EBF3: variants seen among roughly 807,000 people sequenced by gnomAD.
The protein encoded by EBF3 is EBF transcription factor 3.
EBF3 carries 18 observed loss-of-function variants against 77.1 expected under a neutral mutation model. That is an observed-to-expected ratio of 0.23 (90% CI 0.16 to 0.35). The LOEUF (loss-of-function observed/expected upper bound fraction) is 0.35. Among genes scored for constraint, EBF3 ranks in the 10% least tolerant of loss-of-function variants. EBF3 has a pLI of 1.00. For synonymous variants in EBF3, 350 were observed against 343.5 expected (o/e 1.02, Z -0.21); for missense variants, 558 against 860.0 (o/e 0.65, Z 4.39).
intron 10 of EBF3, among the ~76,000 whole-genome samples, chr10:129,862,413 G>A (rs1163243663): frequency 6.6e-6 from 1 of 152,102 alleles, no homozygotes; most frequent in Non-Finnish European, 1.5e-5. Flanking sequence ...TTAGTAACTG[G>A]GTTCAGTCTG....
chr10:129,896,483 GC>G (rs1411971751), intron 6 of EBF3, among the ~76,000 whole-genome samples: 4 of 152,242 alleles, frequency 2.6e-5, no homozygotes, highest in Non-Finnish European at 5.9e-5. Flanking sequence ...CCTCCGAGCA[GC>G]TGGCTGGACG....
In EBF3 at chr10:129,842,780, AAG is replaced by A. The variant is rs1491469437; in HGVS notation, c.1194+355_1194+356del. On this transcript the variant is annotated intron_variant, in intron 12 of 16. Transcript: ENST00000440978. The surrounding 1 kb of genome is among the most constrained non-coding windows in gnomAD (Gnocchi z 4.4). ...CCCTGTCTAAAAAAAAAAAAAAAAA[AAG>A]GGAGCAACATTTGCTGTGTTCTGTC... Among the ~76,000 whole-genome samples the A allele has an allele frequency of 1.1e-4, 17 of 151,050 alleles. No homozygotes were observed. The highest frequency in any genetic ancestry group is 3.4e-4 in the African/African-American group (14 of 41,176).
chr10:129,953,593 G>A (rs1858829309), intron 6 of EBF3, among the ~76,000 whole-genome samples: 1 of 152,200 alleles, frequency 6.6e-6, no homozygotes, highest in African/African-American at 2.4e-5. Flanking sequence ...TGGGACGCCG[G>A]AGACGGTGCC....
chr10:129,941,469 C>T (rs11017022), intron 6 of EBF3, among the ~76,000 whole-genome samples: 60,417 of 152,134 alleles, frequency 0.4, 12,405 homozygotes, highest in East Asian at 0.74. Flanking sequence ...ACCCACCACC[C>T]GGGGACAGTG....
chr10:129,885,090 A>G lies in EBF3; in HGVS notation c.555-7241T>C, dbSNP rs1343527302. 6.6e-6 allele frequency among the ~76,000 whole-genome samples: 1 copy of G among 152,204 alleles called. No individual in the cohort carries two copies. Among genetic ancestry groups the G allele is most frequent in the Non-Finnish European group, 1.5e-5 (1 of 68,032 alleles). On this transcript the variant is annotated intron_variant, in intron 6 of 16. Coordinates refer to ENST00000440978, the MANE Select transcript of EBF3 (RefSeq NM_001375380.1). The surrounding 1 kb of genome is among the most constrained non-coding windows in gnomAD (Gnocchi z 4.0). The stretch of plus-strand genomic sequence containing the variant: ...TCCCTCCAAAGAGCCTTATCGCTAA[A>G]TTTCTGCTATAATGGTTTTTCTTTT...
At chr10:129,911,626 G>A (rs939741141) in intron 6 of EBF3, among the ~76,000 whole-genome samples, 1 of 152,214 alleles carries the variant, frequency 6.6e-6, no homozygotes, top group African/African-American at 2.4e-5. Flanking sequence ...GAAGAGGGGT[G>A]AGGAGGGGCT....
intron 6 of EBF3, among the ~76,000 whole-genome samples, chr10:129,927,033 C>T (rs563281412): frequency 4.6e-5 from 7 of 152,312 alleles, no homozygotes; most frequent in Non-Finnish European, 7.3e-5. Context: ...CCATTGGCCA[C>T]GAGAGGAAGT....
rs1382579628 is a variant in EBF3 at position 129,943,816 on chromosome 10, A to G, written c.554+13442T>C. On this transcript the variant is annotated intron_variant, in intron 6 of 16. Coordinates refer to ENST00000440978, the MANE Select transcript of EBF3 (RefSeq NM_001375380.1). This position sits in a 1 kb window ranked among gnomAD's most constrained non-coding sequence, Gnocchi z 8.8. Reference sequence around the variant, plus strand: ...GTTTTTGGGCTTGATCCTTTTGAGCAGTTTTTTTCTGTGCTGAGCTCTCTG... The same window carrying G: ...GTTTTTGGGCTTGATCCTTTTGAGCGGTTTTTTTCTGTGCTGAGCTCTCTG... Among the ~76,000 whole-genome samples, 2 of 152,214 alleles carry G rather than the reference A, an allele frequency of 1.3e-5. No homozygotes were observed. Among genetic ancestry groups the G allele is most frequent in the Non-Finnish European group, 2.9e-5 (2 of 68,038 alleles).
chr10:129,856,071 G>T (rs1409728951), intron 10 of EBF3, among the ~76,000 whole-genome samples: 2 of 152,228 alleles, frequency 1.3e-5, no homozygotes, highest in Admixed American at 6.5e-5. Context: ...CCATGCACTT[G>T]TTCAGGCATC....
chr10:129,889,830 T>C (rs1314041777), intron 6 of EBF3, among the ~76,000 whole-genome samples: 1 of 145,364 alleles, frequency 6.9e-6, no homozygotes, highest in Non-Finnish European at 1.5e-5. Flanking sequence ...ATGCAAACCG[T>C]AGAGGCTCAG....
At chr10:129,945,017 G>A (rs1028241779) in intron 6 of EBF3, among the ~76,000 whole-genome samples, 13 of 141,634 alleles carry the variant, frequency 9.2e-5, no homozygotes, top group African/African-American at 3.2e-4. Flanking sequence ...CTTTGAATTC[G>A]ACTCTGTGAC....
intron 6 of EBF3, among the ~76,000 whole-genome samples, chr10:129,945,756 A>G (rs750328604): frequency 5.9e-5 from 9 of 152,194 alleles, no homozygotes; most frequent in Non-Finnish European, 8.8e-5. Context: ...TTTCCTTGGA[A>G]TTGCAGGTAT....
At chr10:129,962,009 C>A (rs900359428) in intron 4 of EBF3, among the ~76,000 whole-genome samples, 162 bp downstream of exon 4, 2 of 152,170 alleles carry the variant, frequency 1.3e-5, no homozygotes. Context: ...TTTTACCAAT[C>A]GCTTCATTCA....
intron 10 of EBF3, among the ~76,000 whole-genome samples, chr10:129,855,127 G>A (rs1851163097): frequency 6.6e-6 from 1 of 152,246 alleles, no homozygotes; most frequent in Non-Finnish European, 1.5e-5. Flanking sequence ...GCTCACTGCA[G>A]GGTATTTCTG....
intron 6 of EBF3, among the ~76,000 whole-genome samples, chr10:129,926,605 G>C (rs11814446): frequency 0.011 from 1,699 of 152,324 alleles, 34 homozygotes; most frequent in African/African-American, 0.039. Context: ...TGGCCAGGGA[G>C]GGGGCTGGGC....
intron 10 of EBF3, among the ~76,000 whole-genome samples, chr10:129,866,784 G>A (rs1239828824): frequency 6.6e-6 from 1 of 152,156 alleles, no homozygotes; most frequent in African/African-American, 2.4e-5. Context: ...TGGACACACG[G>A]CCCCTAGCCC....
At position 129,840,240 on chromosome 10, in the gene EBF3, C is replaced by G. The variant is rs374914233; in HGVS notation, c.1759+5G>C. ...CACTGGCCCACGGCCCCGCACCACC[C>G]TCACCTTGCAGTCCATTCCCGTTGG... On this transcript the variant is annotated splice_donor_5th_base_variant and intron_variant, in intron 15 of 16. Transcript: ENST00000440978. 1 of 1,562,228 alleles carries G rather than the reference C, an allele frequency of 6.4e-7. No individual in the cohort carries two copies. Among genetic ancestry groups the G allele is most frequent in the Non-Finnish European group, 8.7e-7 (1 of 1,152,412 alleles).
At chr10:129,838,711 GTTTAA>G (rs1297092373) in intron 16 of EBF3, among the ~76,000 whole-genome samples, 1 of 152,208 alleles carries the variant, frequency 6.6e-6, no homozygotes, top group Non-Finnish European at 1.5e-5. Flanking sequence ...CGCTGGTGTT[GTTTAA>G]TTTTTGTCAG....
At chr10:129,955,650 G>C (rs1335154248) in intron 6 of EBF3, among the ~76,000 whole-genome samples, 1 of 152,216 alleles carries the variant, frequency 6.6e-6, no homozygotes, top group Non-Finnish European at 1.5e-5. Context: ...ATAAAGGATT[G>C]AATGTTGCAC....
Sources: gnomAD v4.1 joint callset for allele counts (sites outside exome capture counted in the v4.1 genomes callset) on GRCh38, gnomAD v4.1.1 for gene constraint, Gnocchi (gnomAD v3.1) non-coding constraint, MANE v1.5 for transcripts, NCBI Gene and HGNC (gene_info 2026-07-23, HGNC 2026-07-21) for gene names.